Variants in CSMD3 observed in about 807,000 individuals in gnomAD.
CSMD3 encodes CUB and sushi domain-containing protein 3.
A neutral mutation model predicts 435.2 loss-of-function variants in CSMD3; 177 were observed. The observed-to-expected ratio is 0.41, with a 90% CI of 0.36 to 0.46. The LOEUF (loss-of-function observed/expected upper bound fraction) is 0.46. Ranked by LOEUF, CSMD3 falls within the 20% of genes least tolerant of loss-of-function variation. The pLI, the probability that CSMD3 is intolerant of heterozygous loss-of-function variation, is 0.34. For synonymous variants in CSMD3, 1,656 were observed against 1,520.5 expected (o/e 1.09, Z -2.07); for missense variants, 4,265 against 4,504.6 (o/e 0.95, Z 1.52).
At chr8:112,920,153 C>T (rs911970737) in intron 10 of CSMD3, among the ~76,000 whole-genome samples, 1 of 151,584 alleles carries the variant, frequency 6.6e-6, no homozygotes, top group East Asian at 1.9e-4. Context: ...AAGAAGGAGG[C>T]TTATTTAATT....
intron 35 of CSMD3, among the ~76,000 whole-genome samples, chr8:112,401,373 CATT>C (rs1302475444): frequency 2.0e-5 from 3 of 151,580 alleles, no homozygotes; most frequent in African/African-American, 7.3e-5. Flanking sequence ...TGTGACAGAT[CATT>C]TCTCCCATCT....
At chr8:113,200,088 G>T (rs960676811) in intron 3 of CSMD3, among the ~76,000 whole-genome samples, 3 of 151,794 alleles carry the variant, frequency 2.0e-5, no homozygotes, top group Admixed American at 6.6e-5. Flanking sequence ...TATCCAAAAT[G>T]GGCTTCATGC....
At chr8:112,281,119 A>G in intron 59 of CSMD3, 55 bp downstream of exon 59, 4 of 1,278,132 alleles carry the variant, frequency 3.1e-6, no homozygotes, top group Non-Finnish European at 4.5e-6. Flanking sequence ...ATACTTATAT[A>G]CTCATCAATA....
At chr8:112,407,545 C>T (rs892664879) in intron 34 of CSMD3, among the ~76,000 whole-genome samples, 1 of 151,822 alleles carries the variant, frequency 6.6e-6, no homozygotes, top group Non-Finnish European at 1.5e-5. Flanking sequence ...ATTATAGTGC[C>T]TTTTTGCAGT....
intron 10 of CSMD3, among the ~76,000 whole-genome samples, chr8:112,868,202 G>A (rs1399036989): frequency 2.6e-5 from 4 of 152,038 alleles, no homozygotes; most frequent in Non-Finnish European, 5.9e-5. Context: ...ATCCTCAGGG[G>A]TAATAATACA....
rs1024111511 is a variant in CSMD3 at position 112,232,877 on chromosome 8, C to T, written c.10741-1245G>A. Among the ~76,000 whole-genome samples, 3 of 152,250 alleles carry T rather than the reference C, an allele frequency of 2.0e-5. No homozygotes were observed. In the South Asian group the frequency reaches 6.2e-4, roughly 32 times the overall value. On this transcript the variant is annotated intron_variant, in intron 68 of 70. Coordinates refer to ENST00000297405, the MANE Select transcript of CSMD3 (RefSeq NM_198123.2). ...TCTAGGCAGCAAGTGCCCTTTCAGA[C>T]TCTGCCCCAAAATGAGATGATGAGA...
chr8:112,322,080 G>A (rs550217483), intron 45 of CSMD3, among the ~76,000 whole-genome samples: 2 of 152,218 alleles, frequency 1.3e-5, no homozygotes, highest in East Asian at 3.9e-4. Context: ...GATCTTACCA[G>A]AGAATAGAGA....
rs574967621 is a variant in CSMD3 at position 112,546,298 on chromosome 8, C to T, written c.4564+4373G>A. 2.5e-3 allele frequency among the ~76,000 whole-genome samples: 378 copies of T among 152,136 alleles called. 2 individuals are homozygous for T. The highest frequency in any genetic ancestry group is 8.7e-3 in the African/African-American group (362 of 41,516). On this transcript the variant is annotated intron_variant, in intron 27 of 70. Transcript: ENST00000297405. ...AGAAGTGATGTCCAATTTTGTATTT[C>T]GGAAAGATCAGTCAGGTAGAAATGT... is the stretch of plus-strand genomic sequence containing the variant.
chr8:113,036,379 T>C (rs1354569471), intron 5 of CSMD3, among the ~76,000 whole-genome samples: 1 of 152,018 alleles, frequency 6.6e-6, no homozygotes, highest in African/African-American at 2.4e-5. Flanking sequence ...TTTACCTTCA[T>C]CACTAAATAA....
intron 59 of CSMD3, among the ~76,000 whole-genome samples, chr8:112,265,990 G>C (rs73709204): frequency 0.035 from 5,310 of 151,944 alleles, 312 homozygotes; most frequent in African/African-American, 0.12. Context: ...AATTTATCAG[G>C]CATGCTGGAT....
At chr8:113,132,101 C>T (rs1395545161) in intron 4 of CSMD3, among the ~76,000 whole-genome samples, 4 of 152,072 alleles carry the variant, frequency 2.6e-5, no homozygotes, top group African/African-American at 9.7e-5. Context: ...AGGCATTTAC[C>T]CAATGCCTGT....
intron 51 of CSMD3, 145 bp from the exon 52 acceptor site, chr8:112,305,060 T>C: frequency 1.4e-6 from 1 of 704,560 alleles, no homozygotes; most frequent in African/African-American, 1.8e-5. Context: ...CTTTTGCATG[T>C]TGATATTTTC....
In CSMD3 at chr8:112,506,751, C is replaced by T. The variant is rs1767769865; in HGVS notation, c.4835G>A (p.Arg1612Lys). 6.2e-7 allele frequency: 1 copy of T among 1,613,482 alleles called. No homozygotes were observed. ...GACGGTGATAGTCCAGTCACAGTCT[C>T]TGCTATGCGGATATGGATGAGGGAA... is the stretch of plus-strand genomic sequence containing the variant. ...PNFPHPYPHS[R>K]DCDWTITVNA... The change falls in exon 29 of 71, where the codon AGA (arginine) becomes AAA (lysine). Residue 1612 changes from arginine (R) to lysine (K), a missense_variant. Transcript: ENST00000297405.
chr8:112,326,858 C>T (rs1337533535), intron 45 of CSMD3, among the ~76,000 whole-genome samples: 1 of 151,988 alleles, frequency 6.6e-6, no homozygotes, highest in Non-Finnish European at 1.5e-5. Flanking sequence ...CCTGCCTCTA[C>T]TAAAAATACA....
chr8:113,177,645 G>C (rs1390253019), intron 3 of CSMD3, among the ~76,000 whole-genome samples: 1 of 151,964 alleles, frequency 6.6e-6, no homozygotes, highest in African/African-American at 2.4e-5. Context: ...GATGAACTGA[G>C]ATCACTGGAA....
chr8:112,907,567 T>C (rs1227238782), intron 10 of CSMD3, among the ~76,000 whole-genome samples: 2 of 151,104 alleles, frequency 1.3e-5, no homozygotes, highest in Non-Finnish European at 3.0e-5. Flanking sequence ...AAATTTAATA[T>C]ATATTACAAA....
intron 13 of CSMD3, among the ~76,000 whole-genome samples, chr8:112,760,755 C>G (rs1463412021): frequency 6.6e-6 from 1 of 152,076 alleles, no homozygotes; most frequent in Non-Finnish European, 1.5e-5. Flanking sequence ...TCTCCAGCAC[C>G]AATCTTCATC....
At chr8:113,264,993 A>G in intron 3 of CSMD3, among the ~76,000 whole-genome samples, 1 of 151,702 alleles carries the variant, frequency 6.6e-6, no homozygotes, top group East Asian at 1.9e-4. Context: ...AGAGGCAGGT[A>G]CACAAAATGA....
chr8:112,277,745 T>TAGC (rs1229141509), intron 59 of CSMD3, among the ~76,000 whole-genome samples: 2 of 152,094 alleles, frequency 1.3e-5, no homozygotes, highest in Non-Finnish European at 2.9e-5. Context: ...CTCACAATTA[T>TAGC]AGCAGAAGGA....
Sources: gnomAD v4.1 joint callset for allele counts (sites outside exome capture counted in the v4.1 genomes callset) on GRCh38, gnomAD v4.1.1 for gene constraint, MANE v1.5 for transcripts, NCBI Gene and HGNC (gene_info 2026-07-23, HGNC 2026-07-21) for gene names.